The following MEGF9 variants were observed in gnomAD, a reference collection of about 807,000 sequenced individuals.
MEGF9 encodes the protein multiple epidermal growth factor-like domains protein 9.
A neutral mutation model predicts 46.8 loss-of-function variants in MEGF9; 6 were observed. That is an observed-to-expected ratio of 0.13 (90% CI 0.07 to 0.25). MEGF9 has a LOEUF of 0.25. Among genes scored for constraint, MEGF9 ranks in the 10% least tolerant of loss-of-function variants. MEGF9 has a pLI of 1.00. For synonymous variants in MEGF9, 302 were observed against 330.7 expected (o/e 0.91, Z 0.94); for missense variants, 683 against 792.4 (o/e 0.86, Z 1.66).
At chr9:120,626,247 G>GA (rs970599975) in intron 2 of MEGF9, among the ~76,000 whole-genome samples, 1 of 151,866 alleles carries the variant, frequency 6.6e-6, no homozygotes, top group East Asian at 1.9e-4. Flanking sequence ...AATTATATCA[G>GA]AAAAAAAAGA....
At chr9:120,622,816 A>G (rs2043506298) in intron 2 of MEGF9, 61 bp from the exon 3 acceptor site, 2 of 1,570,144 alleles carry the variant, frequency 1.3e-6, no homozygotes, top group Admixed American at 3.4e-5. Flanking sequence ...GTATTGAGTA[A>G]CACCCCAGAA....
chr9:120,680,621 G>C (rs2043794532), intron 1 of MEGF9, among the ~76,000 whole-genome samples: 1 of 152,094 alleles, frequency 6.6e-6, no homozygotes, highest in Admixed American at 6.5e-5. Flanking sequence ...CTTCCCTTCA[G>C]GGCGGCAAGC....
At chr9:120,706,877 GA>G (rs1388912468) in intron 1 of MEGF9, among the ~76,000 whole-genome samples, 1 of 152,140 alleles carries the variant, frequency 6.6e-6, no homozygotes, top group African/African-American at 2.4e-5. Flanking sequence ...TCTGGGAGAT[GA>G]ATGAATAGCA....
At chr9:120,619,938 C>T (rs1331121452) in intron 3 of MEGF9, among the ~76,000 whole-genome samples, 1 of 152,082 alleles carries the variant, frequency 6.6e-6, no homozygotes, top group Non-Finnish European at 1.5e-5. Flanking sequence ...CACCAGAGGG[C>T]AACCTTATCA....
At chr9:120,693,055 C>G (rs1266165420) in intron 1 of MEGF9, among the ~76,000 whole-genome samples, 1 of 152,060 alleles carries the variant, frequency 6.6e-6, no homozygotes, top group Non-Finnish European at 1.5e-5. Context: ...GCTAGGTGCA[C>G]AGTGGGTGAT....
intron 2 of MEGF9, among the ~76,000 whole-genome samples, chr9:120,646,596 A>C (rs991929799): frequency 6.6e-6 from 1 of 152,222 alleles, no homozygotes; most frequent in Non-Finnish European, 1.5e-5. Flanking sequence ...TTCCAGCTAT[A>C]AGTGATGTCT....
intron 2 of MEGF9, among the ~76,000 whole-genome samples, chr9:120,653,376 T>A (rs1429249968): frequency 6.8e-6 from 1 of 146,650 alleles, no homozygotes; most frequent in Non-Finnish European, 1.5e-5. Context: ...TTTATTTTAT[T>A]TATTTTTTTT....
At chr9:120,650,507 A>C (rs1017407636) in intron 2 of MEGF9, among the ~76,000 whole-genome samples, 1 of 151,620 alleles carries the variant, frequency 6.6e-6, no homozygotes, top group Non-Finnish European at 1.5e-5. Context: ...CCGTCAGTAC[A>C]TAAAGAACTT....
rs75249402 is a variant in MEGF9, at chr9:120,681,344, T to C, written c.602-21769A>G. On this transcript the variant is annotated intron_variant, in intron 1 of 5. Coordinates refer to ENST00000373930, the MANE Select transcript of MEGF9 (RefSeq NM_001080497.3). ...GTTGTCTGGGAGCTAGGTCCTGGAATGGGGGCCTCACAGCTCTGCTTGATA... is the reference window on the plus strand; with the variant it reads ...GTTGTCTGGGAGCTAGGTCCTGGAACGGGGGCCTCACAGCTCTGCTTGATA... Among the ~76,000 whole-genome samples, 491 of 152,260 alleles carry C rather than the reference T, an allele frequency of 3.2e-3. 16 individuals carry two copies. The East Asian group carries it at 0.074, about 23-fold the overall frequency.
chr9:120,653,057 A>T (rs1167714517), intron 2 of MEGF9, among the ~76,000 whole-genome samples: 1 of 152,212 alleles, frequency 6.6e-6, no homozygotes, highest in Non-Finnish European at 1.5e-5. Context: ...TCATCACACT[A>T]CTTGTCTACA....
intron 1 of MEGF9, among the ~76,000 whole-genome samples, chr9:120,705,870 C>T (rs1353568079): frequency 2.0e-5 from 3 of 149,966 alleles, no homozygotes; most frequent in Admixed American, 2.0e-4. Flanking sequence ...AGAAGAGGTC[C>T]CTGTAATATA....
chr9:120,707,976 C>T (rs56345130), intron 1 of MEGF9, among the ~76,000 whole-genome samples: 3,572 of 152,002 alleles, frequency 0.023, 136 homozygotes, highest in African/African-American at 0.082. Context: ...ACTTGGGAGG[C>T]GGAGGTTGCA....
chr9:120,695,837 G>A (rs1433670839), intron 1 of MEGF9, among the ~76,000 whole-genome samples: 1 of 152,114 alleles, frequency 6.6e-6, no homozygotes, highest in Non-Finnish European at 1.5e-5. Context: ...TTTAAGCCTT[G>A]ATACCGCATC....
At chr9:120,713,594 C>G (rs1240021080) in intron 1 of MEGF9, among the ~76,000 whole-genome samples, 164 bp downstream of exon 1, 1 of 152,106 alleles carries the variant, frequency 6.6e-6, no homozygotes, top group African/African-American at 2.4e-5. Context: ...CCAGATTGAT[C>G]GGGGGCGGGA....
chr9:120,660,964 A>T (rs1294684791), intron 1 of MEGF9, among the ~76,000 whole-genome samples: 1 of 152,156 alleles, frequency 6.6e-6, no homozygotes, highest in African/African-American at 2.4e-5. Context: ...AAGCTACTAG[A>T]CAACTACAAA....
At position 120,605,321 on chromosome 9, in the gene MEGF9, T is replaced by C; in HGVS notation, c.1678A>G (p.Ile560Val). ...FWTIELKEDN[I>V]SFSSYHDSIP... is the part of the protein sequence containing the mutation. ...CTGTCATGGTAGCTGCTGAAACTGA[T>C]ATTGTCTTCTTTCAGCTCGATGGTC... The change falls in exon 6 of 6, where the codon ATC (isoleucine) becomes GTC (valine). Residue 560 changes from isoleucine (I) to valine (V), a missense_variant. By Grantham distance (29) the Ile-to-Val change is conservative (BLOSUM62 3). Transcript: ENST00000373930. This position sits in a 1 kb window ranked among gnomAD's most constrained non-coding sequence, Gnocchi z 4.0. The C allele has an allele frequency of 3.1e-6, 5 of 1,614,038 alleles. No homozygotes were observed. The highest frequency in any genetic ancestry group is 1.1e-5 in the South Asian group (1 of 91,086).
At chr9:120,692,101 C>T (rs2043851016) in intron 1 of MEGF9, among the ~76,000 whole-genome samples, 1 of 152,092 alleles carries the variant, frequency 6.6e-6, no homozygotes, top group Non-Finnish European at 1.5e-5. Context: ...CATAAGTATT[C>T]TAGAGCACTT....
At chr9:120,625,882 T>C (rs1587977086) in intron 2 of MEGF9, among the ~76,000 whole-genome samples, 2 of 132,544 alleles carry the variant, frequency 1.5e-5, no homozygotes, top group Admixed American at 7.3e-5. Flanking sequence ...ACTCAGCAAA[T>C]ATAAAGCTTT....
chr9:120,675,592 C>CA (rs1277349246), intron 1 of MEGF9, among the ~76,000 whole-genome samples: 31 of 150,144 alleles, frequency 2.1e-4, no homozygotes, highest in Admixed American at 1.9e-3. Flanking sequence ...GACCCTGTCT[C>CA]AAAAAAAAAT....
Sources: gnomAD v4.1 joint callset for allele counts (sites outside exome capture counted in the v4.1 genomes callset) on GRCh38, gnomAD v4.1.1 for gene constraint, Gnocchi (gnomAD v3.1) non-coding constraint, MANE v1.5 for transcripts, NCBI Gene and HGNC (gene_info 2026-07-23, HGNC 2026-07-21) for gene names.